Variants in PRKAG2 observed in about 807,000 individuals in gnomAD.
The protein encoded by PRKAG2 is protein kinase AMP-activated non-catalytic subunit gamma 2.
PRKAG2 carries 26 observed loss-of-function variants against 69.6 expected under a neutral mutation model. The ratio of observed to expected loss-of-function variants is 0.37; its 90% CI spans 0.27 to 0.52. PRKAG2 has a LOEUF of 0.52. Among genes scored for constraint, PRKAG2 ranks in the 20% least tolerant of loss-of-function variants. The probability of loss-of-function intolerance (pLI) is 0.90; values close to 1 mark genes in which losing one functional copy is unlikely to be tolerated. For missense variants in PRKAG2, 557 were observed against 740.0 expected, an observed-to-expected ratio of 0.75 and a Z score of 2.87; for synonymous variants, 293 against 285.0, an observed-to-expected ratio of 1.03 and a Z score of -0.28.
chr7:151,599,860 C>T (rs1156675111), intron 5 of PRKAG2, among the ~76,000 whole-genome samples: 1 of 152,186 alleles, frequency 6.6e-6, no homozygotes, highest in Non-Finnish European at 1.5e-5. Context: ...AGGCCTGGCC[C>T]CCGCCTACCT....
At chr7:151,690,540 G>A (rs1490183766) in intron 3 of PRKAG2, among the ~76,000 whole-genome samples, 2 of 152,230 alleles carry the variant, frequency 1.3e-5, no homozygotes, top group Admixed American at 6.5e-5. Context: ...TTAGGAAGGT[G>A]CAAGGCTGGG....
intron 1 of PRKAG2, among the ~76,000 whole-genome samples, chr7:151,801,723 A>G (rs1199445262): frequency 2.6e-5 from 4 of 152,146 alleles, no homozygotes; most frequent in Non-Finnish European, 4.4e-5. Context: ...TATAAGGAGG[A>G]GAGGGAAGAA....
intron 5 of PRKAG2, chr7:151,631,717 CCT>C: frequency 2.2e-6 from 1 of 461,956 alleles, no homozygotes; most frequent in Middle Eastern, 3.2e-4. Context: ...TTCGGGGTTG[CCT>C]CCGAGTGCAT....
At chr7:151,866,139 G>A (rs1161743816) in intron 1 of PRKAG2, among the ~76,000 whole-genome samples, 3 of 152,178 alleles carry the variant, frequency 2.0e-5, no homozygotes, top group Non-Finnish European at 2.9e-5. Flanking sequence ...CAAGTGAAGC[G>A]TATGGAGACC....
At chr7:151,579,118 G>A (rs1029944) in intron 6 of PRKAG2, among the ~76,000 whole-genome samples, 1,844 of 152,196 alleles carry the variant, frequency 0.012, 37 homozygotes, top group East Asian at 0.062. Flanking sequence ...TGCCCCTGCC[G>A]GGCTCAAGTG....
chr7:151,573,166 T>G (rs1036810168), intron 8 of PRKAG2, among the ~76,000 whole-genome samples: 1 of 151,612 alleles, frequency 6.6e-6, no homozygotes. Flanking sequence ...TCAAGTTTTT[T>G]TTTTTTTTTG....
intron 9 of PRKAG2, among the ~76,000 whole-genome samples, chr7:151,570,427 T>C (rs753394034): frequency 1.9e-4 from 29 of 152,218 alleles, no homozygotes; most frequent in Middle Eastern, 3.2e-3. Context: ...TTTCAGGATG[T>C]TGCATTTGAA....
chr7:151,736,383 C>CTT (rs34632609), intron 3 of PRKAG2: 184 of 914,304 alleles, frequency 2.0e-4, no homozygotes, highest in African/African-American at 1.1e-3. Flanking sequence ...CTCTCCAGGG[C>CTT]TTTTTTTTTT....
intron 1 of PRKAG2, among the ~76,000 whole-genome samples, chr7:151,816,932 G>A (rs544376666): frequency 1.6e-4 from 24 of 152,320 alleles, no homozygotes; most frequent in African/African-American, 3.6e-4. Context: ...GGTTTGCTAC[G>A]CTTGGAGACC....
intron 4 of PRKAG2, among the ~76,000 whole-genome samples, chr7:151,657,686 A>G (rs1304434115): frequency 6.6e-6 from 1 of 152,202 alleles, no homozygotes. Context: ...ACAGGCATCA[A>G]CAAGTGGGTT....
At position 151,865,414 on chromosome 7, in the gene PRKAG2, G is replaced by A. The variant is rs143706347; in HGVS notation, c.114+11093C>T. ...AGAACAGTGAGAAAGAATAAATTCTGTGGCTTTCAGTCCCTATGTTTTTGG... is the reference window on the plus strand; with the variant it reads ...AGAACAGTGAGAAAGAATAAATTCTATGGCTTTCAGTCCCTATGTTTTTGG... On this transcript the variant is annotated intron_variant, in intron 1 of 15. Transcript: ENST00000287878. 6.6e-4 allele frequency among the ~76,000 whole-genome samples: 101 copies of A among 152,378 alleles called. No homozygotes were observed. The Middle Eastern group carries it at 0.02, about 31-fold the overall frequency.
chr7:151,676,867 C>T (rs1021537527), intron 3 of PRKAG2, among the ~76,000 whole-genome samples: 1 of 152,160 alleles, frequency 6.6e-6, no homozygotes, highest in Non-Finnish European at 1.5e-5. Flanking sequence ...GAAACGGATA[C>T]CCAGAGGGAA....
chr7:151,557,095 A>G lies in PRKAG2; in HGVS notation c.*106T>C. 2 of 1,541,978 alleles carry G rather than the reference A, an allele frequency of 1.3e-6. No individual in the cohort carries two copies. The highest frequency in any genetic ancestry group is 2.2e-5 in the South Asian group (2 of 89,196). On this transcript the variant is annotated 3_prime_UTR_variant, in exon 16 of 16. Transcript: ENST00000287878. ...CACTGGAAGAAATACCTATTGTTAA[A>G]CCCTGATATACATTCTTAACCACTT...
intron 3 of PRKAG2, among the ~76,000 whole-genome samples, chr7:151,760,066 G>T (rs550905302): frequency 6.6e-6 from 1 of 152,190 alleles, no homozygotes; most frequent in African/African-American, 2.4e-5. Context: ...ATTTATCAAA[G>T]ATTAGCCTTT....
chr7:151,674,867 A>G (rs1399879777), intron 4 of PRKAG2: 3 of 163,982 alleles, frequency 1.8e-5, no homozygotes, highest in Admixed American at 5.7e-5. Context: ...AGCTGAGGGG[A>G]AAAAAACCTC....
At chr7:151,616,126 G>T (rs1820080434) in intron 5 of PRKAG2, among the ~76,000 whole-genome samples, 1 of 152,206 alleles carries the variant, frequency 6.6e-6, no homozygotes, top group Non-Finnish European at 1.5e-5. Context: ...GGTGGTGGGG[G>T]CGTGAAGCAA....
intron 1 of PRKAG2, among the ~76,000 whole-genome samples, chr7:151,794,424 C>T (rs6978628): frequency 0.013 from 1,918 of 151,418 alleles, 42 homozygotes; most frequent in African/African-American, 0.043. Context: ...AGGAGGCCAT[C>T]ATCCTTCTTA....
At chr7:151,619,035 G>T (rs1354740856) in intron 5 of PRKAG2, among the ~76,000 whole-genome samples, 1 of 152,196 alleles carries the variant, frequency 6.6e-6, no homozygotes, top group Non-Finnish European at 1.5e-5. Context: ...AAAAGCACAG[G>T]CAGGATCAAG....
intron 3 of PRKAG2, among the ~76,000 whole-genome samples, chr7:151,705,786 C>T (rs1838494441): frequency 6.6e-6 from 1 of 152,192 alleles, no homozygotes; most frequent in Non-Finnish European, 1.5e-5. Context: ...CTCCTCCTTA[C>T]ACTGCCCTCT....
Sources: gnomAD v4.1 joint callset for allele counts (sites outside exome capture counted in the v4.1 genomes callset) on GRCh38, gnomAD v4.1.1 for gene constraint, MANE v1.5 for transcripts, NCBI Gene and HGNC (gene_info 2026-07-23, HGNC 2026-07-21) for gene names.